LRRC4C: variants seen among roughly 807,000 people sequenced by gnomAD.
LRRC4C encodes the protein leucine-rich repeat-containing protein 4C.
In LRRC4C, 5 loss-of-function variants were observed where a neutral mutation model predicts 33.6. The ratio of observed to expected loss-of-function variants is 0.15; its 90% CI spans 0.08 to 0.31. The LOEUF is 0.31. Among genes scored for constraint, LRRC4C ranks in the 10% least tolerant of loss-of-function variants. LRRC4C has a pLI of 1.00. For missense variants in LRRC4C, 560 were observed against 796.7 expected, an observed-to-expected ratio of 0.70 and a Z score of 3.58; for synonymous variants, 329 against 302.0, an observed-to-expected ratio of 1.09 and a Z score of -0.93.
At chr11:40,825,897 C>CT (rs904824624) in intron 2 of LRRC4C, among the ~76,000 whole-genome samples, 1 of 142,850 alleles carries the variant, frequency 7.0e-6, no homozygotes. Flanking sequence ...TTAAACAGTA[C>CT]TTTTTTTTCT....
chr11:40,736,849 T>C (rs1469293656), intron 2 of LRRC4C, among the ~76,000 whole-genome samples: 1 of 124,714 alleles, frequency 8.0e-6, no homozygotes, highest in Non-Finnish European at 1.7e-5. Context: ...TGCCCACTTT[T>C]TGATGCGGTT....
intron 1 of LRRC4C, among the ~76,000 whole-genome samples, chr11:41,087,692 T>A (rs1333008336): frequency 6.6e-6 from 1 of 152,150 alleles, no homozygotes; most frequent in Non-Finnish European, 1.5e-5. Context: ...TCAGACCATC[T>A]GAATTCAAAA....
chr11:40,304,492 CT>C (rs575934656), intron 4 of LRRC4C, among the ~76,000 whole-genome samples: 4 of 152,118 alleles, frequency 2.6e-5, no homozygotes, highest in Admixed American at 6.5e-5. Flanking sequence ...GTTTTGCTCA[CT>C]CTCTTTTATT....
At chr11:40,192,930 T>C (rs934698630) in intron 5 of LRRC4C, among the ~76,000 whole-genome samples, 3 of 152,184 alleles carry the variant, frequency 2.0e-5, no homozygotes, top group African/African-American at 7.2e-5. Flanking sequence ...AGGGAATCTC[T>C]GAAAGAAAGG....
At chr11:41,457,990 C>A (rs1039468673) in intron 1 of LRRC4C, among the ~76,000 whole-genome samples, 2 of 151,918 alleles carry the variant, frequency 1.3e-5, no homozygotes, top group Non-Finnish European at 2.9e-5. Flanking sequence ...TTTGTAACTC[C>A]TTTTTTTAAA....
chr11:40,302,197 C>T lies in LRRC4C; in HGVS notation c.-176+17431G>A, dbSNP rs76486782. Among the ~76,000 whole-genome samples the T allele has an allele frequency of 6.0e-3, 920 of 152,236 alleles. 7 individuals carry two copies. The highest frequency in any genetic ancestry group is 0.017 in the African/African-American group (712 of 41,534). ...TGGAGTGAACACAGGGTGACTGTTACGTGAGTGAGTGTTTGACATTTTATC... is the reference window on the plus strand; with the variant it reads ...TGGAGTGAACACAGGGTGACTGTTATGTGAGTGAGTGTTTGACATTTTATC... On this transcript the variant is annotated intron_variant, in intron 4 of 6. Transcript: ENST00000528697.
intron 3 of LRRC4C, among the ~76,000 whole-genome samples, chr11:40,407,813 T>C (rs1003297087): frequency 2.0e-5 from 3 of 152,070 alleles, no homozygotes; most frequent in African/African-American, 7.2e-5. Context: ...TAAAGAAATG[T>C]AAATTCCATG....
intron 4 of LRRC4C, among the ~76,000 whole-genome samples, chr11:40,297,079 AACAGCAGGGG>A (rs1161402542): frequency 6.6e-6 from 1 of 152,236 alleles, no homozygotes; most frequent in Non-Finnish European, 1.5e-5. Flanking sequence ...ATCATTAGCA[AACAGCAGGGG>A]ACAGCATCTT....
chr11:40,474,749 C>T (rs911950292), intron 3 of LRRC4C, among the ~76,000 whole-genome samples: 1 of 152,118 alleles, frequency 6.6e-6, no homozygotes, highest in African/African-American at 2.4e-5. Context: ...AAACAACAAA[C>T]AACCCAATCA....
Position 40,929,006 on chromosome 11 carries a change from C to A in LRRC4C, c.-407+4629G>T, listed in dbSNP as rs534581045. Among the ~76,000 whole-genome samples, 21 of 152,272 alleles carry A rather than the reference C, an allele frequency of 1.4e-4. No homozygotes were observed. The East Asian group carries it at 4.1e-3, about 29-fold the overall frequency. On this transcript the variant is annotated intron_variant, in intron 2 of 6. Transcript: ENST00000528697. ...TTAAATTTAATATCAAGAACTGCCT[C>A]TTTCCTCTAATACCAATATTAAAAA...
chr11:40,442,127 C>A (rs1951423740), intron 3 of LRRC4C, among the ~76,000 whole-genome samples: 2 of 118,880 alleles, frequency 1.7e-5, no homozygotes, highest in Non-Finnish European at 3.2e-5. Flanking sequence ...AGTGCCACTG[C>A]ACTTCAGCCT....
intron 1 of LRRC4C, among the ~76,000 whole-genome samples, chr11:41,104,890 T>C (rs183123682): frequency 1.3e-5 from 2 of 152,024 alleles, no homozygotes; most frequent in African/African-American, 2.4e-5. Context: ...AAATGGAGAA[T>C]CTGTAAAGAC....
chr11:40,978,749 G>A (rs61887572), intron 1 of LRRC4C, among the ~76,000 whole-genome samples: 1 of 151,162 alleles, frequency 6.6e-6, no homozygotes, highest in Non-Finnish European at 1.5e-5. Context: ...AACCTCCCTA[G>A]TAGCTGGGAT....
intron 2 of LRRC4C, among the ~76,000 whole-genome samples, chr11:40,746,874 T>G (rs4612791): frequency 0.07 from 10,603 of 152,176 alleles, 624 homozygotes; most frequent in African/African-American, 0.16. Flanking sequence ...TTCACCACAG[T>G]TACGACCAAT....
chr11:40,690,801 G>T (rs906388746), intron 2 of LRRC4C, among the ~76,000 whole-genome samples: 4 of 152,036 alleles, frequency 2.6e-5, no homozygotes, highest in African/African-American at 9.7e-5. Context: ...ACGCAGAGTT[G>T]TAAGATGCAG....
chr11:40,842,969 A>G (rs1952981573), intron 2 of LRRC4C, among the ~76,000 whole-genome samples: 1 of 152,212 alleles, frequency 6.6e-6, no homozygotes, highest in Non-Finnish European at 1.5e-5. Context: ...TGAGCACAGA[A>G]CGAAACCTGT....
At chr11:40,966,098 C>G (rs1434338669) in intron 1 of LRRC4C, among the ~76,000 whole-genome samples, 5 of 151,676 alleles carry the variant, frequency 3.3e-5, no homozygotes, top group East Asian at 1.9e-4. Flanking sequence ...CCTTTAAGGG[C>G]AGATTATGAA....
rs548133757 is a variant in LRRC4C, at chr11:40,600,570, T to C, written c.-270+47572A>G. Among the ~76,000 whole-genome samples the C allele has an allele frequency of 5.9e-5, 9 of 152,276 alleles. No homozygotes were observed. The South Asian group carries it at 1.5e-3, about 25-fold the overall frequency. ...AAATGTTTGTGACACCCCCCAGTAC[T>C]GCTGCTTCACTTCTGTTGAGAATCA... On this transcript the variant is annotated intron_variant, in intron 3 of 6. Coordinates refer to ENST00000528697, the MANE Select transcript of LRRC4C (RefSeq NM_001258419.2).
intron 5 of LRRC4C, among the ~76,000 whole-genome samples, chr11:40,182,395 T>G (rs1289763363): frequency 6.6e-6 from 1 of 152,150 alleles, no homozygotes. Context: ...TTCTTCAGGG[T>G]ACACATAAAC....
Sources: allele counts gnomAD v4.1 joint callset (sites outside exome capture counted in the v4.1 genomes callset), GRCh38; gene constraint gnomAD v4.1.1; transcripts MANE v1.5; gene names NCBI Gene and HGNC (gene_info 2026-07-23, HGNC 2026-07-21).